Variants in CERT1 observed in about 807,000 individuals in gnomAD.
CERT1 encodes ceramide transfer protein.
A neutral mutation model predicts 87.9 loss-of-function variants in CERT1; 31 were observed. That is an observed-to-expected ratio of 0.35 (90% CI 0.27 to 0.48). The LOEUF is 0.48. Among genes scored for constraint, CERT1 ranks in the 20% least tolerant of loss-of-function variants. The probability of loss-of-function intolerance (pLI) is 0.99; values close to 1 mark genes in which losing one functional copy is unlikely to be tolerated. For synonymous variants in CERT1, 289 were observed against 250.9 expected, an observed-to-expected ratio of 1.15 and a Z score of -1.44; for missense variants, 487 against 758.0, an observed-to-expected ratio of 0.64 and a Z score of 4.20.
downstream of CERT1, chr5:75,377,122 A>G (rs1761350195): frequency 6.6e-6 from 1 of 152,232 alleles, no homozygotes; most frequent in Non-Finnish European, 1.5e-5. Context: ...AGTACTATAC[A>G]AAAGATTCTC....
intron 2 of CERT1, among the ~76,000 whole-genome samples, chr5:75,487,874 T>C (rs1766598121): frequency 6.6e-6 from 1 of 151,972 alleles, no homozygotes; most frequent in Non-Finnish European, 1.5e-5. Flanking sequence ...TATTGAGCCA[T>C]TAAAAAGGAT....
chr5:75,504,343 T>C (rs950095680), intron 2 of CERT1, among the ~76,000 whole-genome samples: 2 of 152,142 alleles, frequency 1.3e-5, no homozygotes, highest in Non-Finnish European at 2.9e-5. Context: ...TTAAAGCTAT[T>C]TCCTAAAAAT....
intron 3 of CERT1, among the ~76,000 whole-genome samples, chr5:75,449,062 T>C (rs1042657388): frequency 6.6e-6 from 1 of 152,210 alleles, no homozygotes; most frequent in Non-Finnish European, 1.5e-5. Context: ...CTTGTATAAC[T>C]GCCAATCCTA....
chr5:75,457,759 G>C (rs558372638), intron 3 of CERT1, among the ~76,000 whole-genome samples: 1 of 151,676 alleles, frequency 6.6e-6, no homozygotes, highest in Non-Finnish European at 1.5e-5. Flanking sequence ...TGGGTGTGTG[G>C]GTGTAGGGGT....
chr5:75,444,440 AACTT>A (rs1764451101), intron 3 of CERT1, among the ~76,000 whole-genome samples: 1 of 152,118 alleles, frequency 6.6e-6, no homozygotes, highest in South Asian at 2.1e-4. Context: ...GATAAGGAAG[AACTT>A]ACTTATTTTT....
In CERT1 at chr5:75,498,476, C is replaced by T. The variant is rs558400580; in HGVS notation, c.231+7506G>A. Among the ~76,000 whole-genome samples the T allele has an allele frequency of 2.6e-5, 4 of 152,280 alleles. No individual in the cohort carries two copies. The South Asian group carries it at 6.2e-4, about 24-fold the overall frequency. On this transcript the variant is annotated intron_variant, in intron 2 of 16. Coordinates refer to ENST00000643780, the MANE Select transcript of CERT1 (RefSeq NM_001379029.1). ...TGCTTTGTGCAGTCTTGGGACCTGG[C>T]GCCCTGTGTCTCAGCTGCTTCAGCT...
At chr5:75,373,463 G>A (rs553422309), downstream of CERT1, 4 of 152,220 alleles carry the variant, frequency 2.6e-5, no homozygotes, top group South Asian at 8.3e-4. Context: ...CTAGTACACA[G>A]TACACAACTA....
intron 3 of CERT1, among the ~76,000 whole-genome samples, chr5:75,446,858 A>G (rs929122273): frequency 6.6e-6 from 1 of 152,210 alleles, no homozygotes; most frequent in Non-Finnish European, 1.5e-5. Flanking sequence ...CAAAAGGAAA[A>G]GGAGAAAAGT....
At position 75,379,203 on chromosome 5, in the gene CERT1, C is replaced by G. The variant is rs984905232; in HGVS notation, c.*143G>C. 1 of 775,894 alleles carries G rather than the reference C, an allele frequency of 1.3e-6. No individual in the cohort carries two copies. The allele number at this position is 775,894 out of a possible 1,614,324, so 48.1% of individuals were successfully genotyped here. On this transcript the variant is annotated 3_prime_UTR_variant, in exon 17 of 17. Transcript: ENST00000643780. ...TTTAAAACAACAACAACGACAACAA[C>G]AAAAACCAACGAAACAATACTCTAT...
intron 3 of CERT1, among the ~76,000 whole-genome samples, chr5:75,448,297 C>T (rs1764637419): frequency 6.6e-6 from 1 of 152,150 alleles, no homozygotes; most frequent in Admixed American, 6.6e-5. Context: ...ATAAGCATTC[C>T]TATCTTAATC....
In CERT1 at chr5:75,490,688, T is replaced by A. The variant is rs370439544; in HGVS notation, c.231+15294A>T. Among the ~76,000 whole-genome samples, 26 of 152,092 alleles carry A rather than the reference T, an allele frequency of 1.7e-4. No individual in the cohort carries two copies. In the South Asian group the frequency reaches 5.4e-3, roughly 32 times the overall value. ...TAATTTTTTATATCTTTAGTAGAGA[T>A]GGGATTTCACCATGTTAGCCAGGAT... On this transcript the variant is annotated intron_variant, in intron 2 of 16. Coordinates refer to ENST00000643780, the MANE Select transcript of CERT1 (RefSeq NM_001379029.1).
downstream of CERT1, chr5:75,373,845 T>C (rs879619434): frequency 2.7e-5 from 10 of 366,926 alleles, no homozygotes; most frequent in African/African-American, 1.5e-4. Context: ...CGGACCATAG[T>C]AAATTAAAAA....
At position 75,371,236 on chromosome 5, in the gene CERT1, C is replaced by T. The variant is rs921656051; in HGVS notation, c.*10-2578G>A. 4 of 152,162 alleles carry T rather than the reference C, an allele frequency of 2.6e-5. No individual in the cohort carries two copies. The East Asian group carries it at 7.7e-4, about 29-fold the overall frequency. The allele number at this position is 152,162 out of a possible 1,614,324, so 9.4% of individuals were successfully genotyped here. A position where few individuals can be genotyped will look rare whatever the true frequency, so the allele number is the denominator to read the frequency against. Reference sequence around the variant, plus strand: ...TCATAAAGCTATTATAGAAGTTACTCTACACACTCCCAAGGTACTTTAAAA... The same window carrying T: ...TCATAAAGCTATTATAGAAGTTACTTTACACACTCCCAAGGTACTTTAAAA... On this transcript the variant is annotated intron_variant, in intron 17 of 17. Transcript: ENST00000261415.
At chr5:75,502,261 G>A (rs1767409634) in intron 2 of CERT1, among the ~76,000 whole-genome samples, 1 of 152,092 alleles carries the variant, frequency 6.6e-6, no homozygotes, top group Admixed American at 6.6e-5. Context: ...TTTTAATGTA[G>A]CAGTTTGACA....
intron 2 of CERT1, among the ~76,000 whole-genome samples, chr5:75,465,632 G>T (rs951266175): frequency 6.6e-6 from 1 of 152,170 alleles, no homozygotes; most frequent in Non-Finnish European, 1.5e-5. Context: ...GGTAGACTAG[G>T]CAACAAAAAC....
chr5:75,478,856 G>T (rs1240257933), intron 2 of CERT1, among the ~76,000 whole-genome samples: 2 of 143,724 alleles, frequency 1.4e-5, no homozygotes, highest in African/African-American at 5.3e-5. Flanking sequence ...ACTGGGGCAA[G>T]GGAGGTGTAA....
chr5:75,425,511 A>C lies in CERT1; in HGVS notation c.457-12T>G, dbSNP rs181631500. On this transcript the variant is annotated splice_polypyrimidine_tract_variant and intron_variant, in intron 4 of 16. Transcript: ENST00000643780. ...AAACTGTGGCCTTTCTGCAAAACAT[A>C]AAATAGGGGGATGTAATTCAAGTAA... The C allele has an allele frequency of 6.0e-5, 97 of 1,610,904 alleles. No homozygotes were observed. In the Admixed American group the frequency reaches 8.9e-4, roughly 15 times the overall value.
intron 3 of CERT1, among the ~76,000 whole-genome samples, chr5:75,434,116 C>A (rs764438555): frequency 1.3e-5 from 2 of 150,750 alleles, no homozygotes; most frequent in African/African-American, 4.9e-5. Context: ...AGTATTACAT[C>A]GGCTGTGAGT....
intron 2 of CERT1, among the ~76,000 whole-genome samples, chr5:75,467,641 C>CAAAAAAAAAAAA (rs1458470572): frequency 2.0e-5 from 1 of 49,944 alleles, no homozygotes; most frequent in Non-Finnish European, 4.3e-5. Flanking sequence ...ACTCTGTCTC[C>CAAAAAAAAAAAA]AAAAAAAAGA....
Sources: gnomAD v4.1 joint callset for allele counts (sites outside exome capture counted in the v4.1 genomes callset) on GRCh38, gnomAD v4.1.1 for gene constraint, MANE v1.5 for transcripts, NCBI Gene and HGNC (gene_info 2026-07-23, HGNC 2026-07-21) for gene names.